XPR1: variants seen among roughly 807,000 people sequenced by gnomAD.
XPR1 encodes xenotropic and polytropic retrovirus receptor 1.
Under a neutral mutation model 87.5 loss-of-function variants are expected in XPR1, and 28 were observed. That is an observed-to-expected ratio of 0.32 (90% confidence interval 0.24 to 0.44). XPR1 has a LOEUF of 0.44. Ranked by LOEUF, XPR1 falls within the 20% of genes least tolerant of loss-of-function variation. The probability of loss-of-function intolerance (pLI) is 1.00; values close to 1 mark genes in which losing one functional copy is unlikely to be tolerated. For missense variants in XPR1, 559 were observed against 862.3 expected (o/e 0.65, Z 4.41); for synonymous variants, 300 against 306.1 (o/e 0.98, Z 0.21).
At chr1:180,739,452 A>G (rs1372347284) in intron 2 of XPR1, among the ~76,000 whole-genome samples, 2 of 152,076 alleles carry the variant, frequency 1.3e-5, no homozygotes, top group Non-Finnish European at 2.9e-5. Context: ...CCGTTTGTCT[A>G]TATCTATGAA....
intron 2 of XPR1, among the ~76,000 whole-genome samples, chr1:180,773,245 GA>G (rs1213430519): frequency 6.6e-6 from 1 of 151,798 alleles, no homozygotes. Context: ...GATACTTGGG[GA>G]AAAAAAATGT....
chr1:180,701,929 T>G (rs1657347371), intron 2 of XPR1, among the ~76,000 whole-genome samples: 1 of 114,654 alleles, frequency 8.7e-6, no homozygotes, highest in Non-Finnish European at 1.7e-5. Flanking sequence ...TTTGTGTCTC[T>G]ATTTCCTTCA....
At chr1:180,882,892 G>A (rs1652887680) in intron 14 of XPR1, among the ~76,000 whole-genome samples, 1 of 152,028 alleles carries the variant, frequency 6.6e-6, no homozygotes, top group African/African-American at 2.4e-5. Flanking sequence ...GGTTTCTCAT[G>A]TATGCCTCAA....
chr1:180,780,722 C>T (rs554330109), intron 2 of XPR1, among the ~76,000 whole-genome samples: 26 of 148,660 alleles, frequency 1.7e-4, no homozygotes, highest in African/African-American at 6.0e-4. Context: ...GAGCAGAGAT[C>T]GTGCCACTGC....
intron 13 of XPR1, among the ~76,000 whole-genome samples, chr1:180,879,662 G>A (rs1279185704): frequency 6.6e-6 from 1 of 152,062 alleles, no homozygotes; most frequent in Admixed American, 6.6e-5. Context: ...CTATTCCCTT[G>A]TCCTGCTTTA....
At chr1:180,827,855 G>A (rs6667050) in intron 9 of XPR1, among the ~76,000 whole-genome samples, 6,478 of 148,776 alleles carry the variant, frequency 0.044, 503 homozygotes, top group African/African-American at 0.15. Context: ...TAAAGTAAAA[G>A]TACATTTCTT....
At chr1:180,656,488 ATTTATATAT>A (rs1655502433) in intron 1 of XPR1, among the ~76,000 whole-genome samples, 2 of 16,442 alleles carry the variant, frequency 1.2e-4, no homozygotes, top group African/African-American at 5.8e-4. Context: ...TATATATAAT[ATTTATATAT>A]TATATATAAT....
chr1:180,750,393 G>A (rs1304294059), intron 2 of XPR1, among the ~76,000 whole-genome samples: 2 of 152,026 alleles, frequency 1.3e-5, no homozygotes, highest in Non-Finnish European at 2.9e-5. Flanking sequence ...TACTAATCAG[G>A]GAAAAGTAAG....
At chr1:180,733,102 C>T (rs779686913) in intron 2 of XPR1, among the ~76,000 whole-genome samples, 7 of 152,198 alleles carry the variant, frequency 4.6e-5, no homozygotes, top group Non-Finnish European at 8.8e-5. Context: ...CTGATGTGCT[C>T]CTTTCTGTGT....
At chr1:180,759,158 A>G (rs1293911783) in intron 2 of XPR1, among the ~76,000 whole-genome samples, 3 of 152,208 alleles carry the variant, frequency 2.0e-5, no homozygotes, top group African/African-American at 4.8e-5. Flanking sequence ...CCCACAAGAG[A>G]AAGCAGGAAA....
chr1:180,634,614 G>A (rs1654702671), intron 1 of XPR1, among the ~76,000 whole-genome samples: 1 of 152,158 alleles, frequency 6.6e-6, no homozygotes, highest in Non-Finnish European at 1.5e-5. Flanking sequence ...CTCTTAAAAT[G>A]CTATCAGTAG....
intron 2 of XPR1, among the ~76,000 whole-genome samples, chr1:180,740,935 T>C (rs1658896997): frequency 6.6e-6 from 1 of 152,198 alleles, no homozygotes; most frequent in Admixed American, 6.5e-5. Context: ...GTCTCTTTTA[T>C]AAAGGCATTA....
chr1:180,706,356 A>G (rs991565467), intron 2 of XPR1, among the ~76,000 whole-genome samples: 4 of 152,204 alleles, frequency 2.6e-5, no homozygotes, highest in South Asian at 4.1e-4. Context: ...ACTTTTTAAA[A>G]TGATTCTTAC....
intron 2 of XPR1, among the ~76,000 whole-genome samples, chr1:180,753,611 C>T (rs1220784610): frequency 6.6e-6 from 1 of 150,816 alleles, no homozygotes; most frequent in African/African-American, 2.4e-5. Context: ...AGTTGCATTA[C>T]TAATAAATAA....
At chr1:180,823,895 G>C (rs191974202) in intron 7 of XPR1, among the ~76,000 whole-genome samples, 58 of 152,306 alleles carry the variant, frequency 3.8e-4, no homozygotes, top group Admixed American at 2.4e-3. Flanking sequence ...ATTATTCTAT[G>C]TAAAAATACT....
intron 2 of XPR1, among the ~76,000 whole-genome samples, chr1:180,766,815 T>C (rs1257176405): frequency 1.3e-5 from 2 of 152,124 alleles, no homozygotes. Context: ...ACATTTGGGG[T>C]GAAATAGTGA....
At chr1:180,784,720 G>A (rs190442320) in intron 2 of XPR1, among the ~76,000 whole-genome samples, 1 of 151,970 alleles carries the variant, frequency 6.6e-6, no homozygotes, top group Admixed American at 6.6e-5. Flanking sequence ...GGTTCACCCA[G>A]CCCTATTGAT....
intron 1 of XPR1, among the ~76,000 whole-genome samples, chr1:180,646,641 T>C (rs751924622): frequency 2.6e-5 from 4 of 152,206 alleles, no homozygotes; most frequent in Admixed American, 1.3e-4. Flanking sequence ...GTCTCATCAT[T>C]GGGTCTTTTC....
intron 11 of XPR1, among the ~76,000 whole-genome samples, chr1:180,844,396 G>A (rs990528352): frequency 1.1e-4 from 17 of 151,954 alleles, no homozygotes; most frequent in African/African-American, 4.1e-4. Context: ...GTCATATCTA[G>A]GTATTTACAG....
Sources: gnomAD v4.1 joint callset for allele counts (sites outside exome capture counted in the v4.1 genomes callset) on GRCh38, gnomAD v4.1.1 for gene constraint, MANE v1.5 for transcripts, NCBI Gene and HGNC (gene_info 2026-07-23, HGNC 2026-07-21) for gene names.